NFAM1: variants seen among roughly 807,000 people sequenced by gnomAD.
NFAM1 encodes the protein NFAT activating protein with ITAM motif 1.
A neutral mutation model predicts 29.0 loss-of-function variants in NFAM1; 17 were observed. The observed-to-expected ratio is 0.59, with a 90% CI of 0.40 to 0.88. The LOEUF is 0.88. NFAM1 is among the 40% of genes least tolerant of loss of function. The pLI is 0.00. For missense variants in NFAM1, 324 were observed against 344.6 expected (o/e 0.94, Z 0.47); for synonymous variants, 175 against 147.2 (o/e 1.19, Z -1.36).
chr22:42,384,697 C>G lies in NFAM1; in HGVS notation c.*464G>C, dbSNP rs919176986. On this transcript the variant is annotated 3_prime_UTR_variant, in exon 6 of 6. Transcript: ENST00000329021. ...GTAGGTAGGGATTTGCATAGCTGCT[C>G]CCCAGCTCCTCCATACCTCGGCTCC... The G allele has an allele frequency of 3.4e-5, 6 of 178,328 alleles. No individual in the cohort carries two copies. The highest frequency in any genetic ancestry group is 2.4e-3 in the Middle Eastern group (1 of 414). 11.0% of individuals were successfully genotyped at this position (178,328 alleles called of 1,614,324 possible). A position where few individuals can be genotyped will look rare whatever the true frequency, so the allele number is the denominator to read the frequency against.
At chr22:42,425,495 A>G (rs8141826) in intron 1 of NFAM1, among the ~76,000 whole-genome samples, 80,384 of 151,832 alleles carry the variant, frequency 0.53, 24,573 homozygotes, top group African/African-American at 0.86. Flanking sequence ...CCAGGCCTCC[A>G]TCCTTCCCTC....
At chr22:42,418,330 G>C (rs1212417269) in intron 1 of NFAM1, among the ~76,000 whole-genome samples, 1 of 152,184 alleles carries the variant, frequency 6.6e-6, no homozygotes, top group Non-Finnish European at 1.5e-5. Flanking sequence ...CCAGCTACTT[G>C]CCACGGGCCA....
In NFAM1 at chr22:42,409,942, G is replaced by A. The variant is rs1930027708; in HGVS notation, c.452-395C>T. 6.6e-6 allele frequency among the ~76,000 whole-genome samples: 1 copy of A among 152,124 alleles called. No individual in the cohort carries two copies. On this transcript the variant is annotated intron_variant, in intron 2 of 5. Coordinates refer to ENST00000329021, the MANE Select transcript of NFAM1 (RefSeq NM_145912.8). The surrounding 1 kb of genome is among the most constrained non-coding windows in gnomAD (Gnocchi z 4.9). ...GCGGATTTATCCTGGGACTGACAGGGGGCTGCACCCAGGCTAGGTGAGGCC... is the reference window on the plus strand; with the variant it reads ...GCGGATTTATCCTGGGACTGACAGGAGGCTGCACCCAGGCTAGGTGAGGCC...
At chr22:42,386,330 C>T (rs552500708) in intron 5 of NFAM1, among the ~76,000 whole-genome samples, 12 of 151,766 alleles carry the variant, frequency 7.9e-5, no homozygotes, top group East Asian at 1.9e-4. Flanking sequence ...GCTGAGATCG[C>T]GCCACTGCAC....
intron 3 of NFAM1, among the ~76,000 whole-genome samples, chr22:42,403,138 C>T (rs769618811): frequency 1.3e-5 from 2 of 151,964 alleles, no homozygotes; most frequent in African/African-American, 4.8e-5. Flanking sequence ...CGCCCGGCCC[C>T]CTCTGTGCCT....
At chr22:42,387,524 C>A (rs537497290) in intron 4 of NFAM1, among the ~76,000 whole-genome samples, 2 of 151,552 alleles carry the variant, frequency 1.3e-5, no homozygotes, top group South Asian at 4.2e-4. Flanking sequence ...TTCAAAGCCC[C>A]GGCCCCTGTG....
At chr22:42,393,734 A>G (rs965832980) in intron 4 of NFAM1, among the ~76,000 whole-genome samples, 4 of 151,670 alleles carry the variant, frequency 2.6e-5, no homozygotes, top group Admixed American at 6.6e-5. Context: ...AAAAAAGTTT[A>G]ATTAGTAAGG....
intron 3 of NFAM1, among the ~76,000 whole-genome samples, chr22:42,398,294 G>A (rs952236596): frequency 1.9e-4 from 29 of 152,314 alleles, no homozygotes; most frequent in Non-Finnish European, 2.8e-4. Flanking sequence ...GCCCCTAGTG[G>A]TGCCAGCCAG....
At chr22:42,423,368 T>A (rs1930512381) in intron 1 of NFAM1, among the ~76,000 whole-genome samples, 1 of 151,894 alleles carries the variant, frequency 6.6e-6, no homozygotes, top group African/African-American at 2.4e-5. Context: ...GGAGTGTGGG[T>A]CATTATTTGG....
intron 4 of NFAM1, among the ~76,000 whole-genome samples, chr22:42,396,807 G>A (rs981009055): frequency 6.6e-6 from 1 of 152,236 alleles, no homozygotes; most frequent in African/African-American, 2.4e-5. Context: ...CAGCAGACAA[G>A]GCTGTATCCT....
chr22:42,420,740 A>G (rs1930419665), intron 1 of NFAM1, among the ~76,000 whole-genome samples: 1 of 151,092 alleles, frequency 6.6e-6, no homozygotes, highest in Non-Finnish European at 1.5e-5. Context: ...ACTGCACTCC[A>G]GCCTGTGTGA....
chr22:42,423,549 T>TTAAATAAATAAATAAATAAATAAATAAA (rs1569235801), intron 1 of NFAM1, among the ~76,000 whole-genome samples: 42 of 135,048 alleles, frequency 3.1e-4, no homozygotes, highest in African/African-American at 1.3e-3. Context: ...ACCCCATTTC[T>TTAAATAAATAAATAAATAAATAAATAAA]GAAATAAATA....
rs776881176 is a variant in NFAM1 at position 42,385,191 on chromosome 22, G to A, written c.783C>T (p.Gly261=). Residue 261 remains glycine, a synonymous_variant, in exon 6 of 6, where the codon GGC becomes GGT. Transcript: ENST00000329021. ...GATTTTCATAGACCAGGTTAAGTTC[G>A]CCATCATCTTCGAATCTATGCGGTC... ...QERPHRFEDD[G]ELNLVYENL 5.0e-6 allele frequency: 8 copies of A among 1,612,748 alleles called. No individual in the cohort carries two copies. Among genetic ancestry groups the A allele is most frequent in the African/African-American group, 1.3e-5 (1 of 74,982 alleles).
At chr22:42,389,787 A>T (rs1048367867) in intron 4 of NFAM1, among the ~76,000 whole-genome samples, 1 of 152,138 alleles carries the variant, frequency 6.6e-6, no homozygotes, top group African/African-American at 2.4e-5. Flanking sequence ...TGCTGACCCC[A>T]GTGATCATCC....
intron 4 of NFAM1, among the ~76,000 whole-genome samples, 175 bp downstream of exon 4, chr22:42,397,683 G>A (rs1325817773): frequency 6.6e-6 from 1 of 152,170 alleles, no homozygotes; most frequent in Non-Finnish European, 1.5e-5. Flanking sequence ...TCTCTTTTCA[G>A]CTTCAGAGAA....
chr22:42,397,999 G>A (rs751554207), intron 3 of NFAM1, 43 bp from the exon 4 acceptor site: 18 of 1,105,464 alleles, frequency 1.6e-5, no homozygotes, highest in South Asian at 1.1e-4. Context: ...AGTGGCTCTC[G>A]TCTTCCTCCC....
At chr22:42,389,939 G>C (rs1039980807) in intron 4 of NFAM1, among the ~76,000 whole-genome samples, 1 of 152,148 alleles carries the variant, frequency 6.6e-6, no homozygotes, top group Admixed American at 6.5e-5. Context: ...GGTGTTGTTC[G>C]GGAAGGAACA....
At chr22:42,416,674 C>T (rs1314001956) in intron 1 of NFAM1, among the ~76,000 whole-genome samples, 1 of 152,110 alleles carries the variant, frequency 6.6e-6, no homozygotes, top group African/African-American at 2.4e-5. Context: ...CTGCTTCTCA[C>T]CCCAGGCTGA....
At chr22:42,406,143 C>T in intron 3 of NFAM1, among the ~76,000 whole-genome samples, 1 of 33,828 alleles carries the variant, frequency 3.0e-5, no homozygotes, top group South Asian at 7.1e-4. Flanking sequence ...CTGACACCTG[C>T]GGGGCAGGCG....
Sources: gnomAD v4.1 joint callset for allele counts (sites outside exome capture counted in the v4.1 genomes callset) on GRCh38, gnomAD v4.1.1 for gene constraint, Gnocchi (gnomAD v3.1) non-coding constraint, MANE v1.5 for transcripts, NCBI Gene and HGNC (gene_info 2026-07-23, HGNC 2026-07-21) for gene names.